Variants in PARD3B observed in about 807,000 individuals in gnomAD.
PARD3B encodes partitioning defective 3 homolog B.
A neutral mutation model predicts 130.2 loss-of-function variants in PARD3B; 103 were observed. That is an observed-to-expected ratio of 0.79 (90% CI 0.67 to 0.93). PARD3B has a LOEUF of 0.93. PARD3B is among the 40% of genes least tolerant of loss of function. The probability of loss-of-function intolerance (pLI) is 0.00; values close to 1 mark genes in which losing one functional copy is unlikely to be tolerated. For missense variants in PARD3B, 1,609 were observed against 1,499.2 expected (o/e 1.07, Z -1.21); for synonymous variants, 583 against 553.2 (o/e 1.05, Z -0.76).
rs530233005 is a variant in PARD3B, at chr2:204,874,551, C to A, written c.223-90601C>A. Among the ~76,000 whole-genome samples, 139 of 151,908 alleles carry A rather than the reference C, an allele frequency of 9.2e-4. 1 individual carries two copies. Among genetic ancestry groups the A allele is most frequent in the Non-Finnish European group, 1.5e-3 (102 of 68,006 alleles). On this transcript the variant is annotated intron_variant, in intron 2 of 22. Transcript: ENST00000406610. ...AAGATATCCAGTACATATGGATATA[C>A]AAGGTAGGGTAAAATTTTTTGTTAT...
In PARD3B at chr2:204,623,431, C is replaced by A. The variant is rs1349254097; in HGVS notation, c.121-62750C>A. Among the ~76,000 whole-genome samples, 1 of 152,052 alleles carries A rather than the reference C, an allele frequency of 6.6e-6. No individual in the cohort carries two copies. The highest frequency in any genetic ancestry group is 1.5e-5 in the Non-Finnish European group (1 of 67,992). The stretch of plus-strand genomic sequence containing the variant: ...TCGTGCCACCCCTTTATAGTCATAC[C>A]CACACCCAGCACCCTCCACCATCCC... On this transcript the variant is annotated intron_variant, in intron 1 of 22. Transcript: ENST00000406610. The surrounding 1 kb of genome is among the most constrained non-coding windows in gnomAD (Gnocchi z 4.5).
intron 15 of PARD3B, among the ~76,000 whole-genome samples, chr2:205,195,985 G>A (rs945991240): frequency 2.0e-5 from 3 of 152,064 alleles, no homozygotes; most frequent in African/African-American, 7.2e-5. Flanking sequence ...ATTTTAACTT[G>A]CATGTTAATG....
chr2:205,355,412 G>A (rs183495282), intron 18 of PARD3B, among the ~76,000 whole-genome samples: 2 of 152,204 alleles, frequency 1.3e-5, no homozygotes, highest in Admixed American at 6.5e-5. Flanking sequence ...GAAAAAATAA[G>A]CAAAAATGAT....
chr2:204,874,152 A>C lies in PARD3B; in HGVS notation c.223-91000A>C, dbSNP rs549437737. Among the ~76,000 whole-genome samples, 8 of 152,252 alleles carry C rather than the reference A, an allele frequency of 5.3e-5. No homozygotes were observed. The South Asian group carries it at 6.2e-4, about 12-fold the overall frequency. ...TCAAAAAACTCTGTCTCAAAACAAC[A>C]ACCACCACCACAACAAAACAAAACA... On this transcript the variant is annotated intron_variant, in intron 2 of 22. Transcript: ENST00000406610.
At chr2:205,464,219 A>G (rs769204467) in intron 20 of PARD3B, among the ~76,000 whole-genome samples, 1 of 152,188 alleles carries the variant, frequency 6.6e-6, no homozygotes, top group Non-Finnish European at 1.5e-5. Flanking sequence ...TGCATTGTGC[A>G]TAGGAGGTAC....
At chr2:205,348,837 C>G (rs964239002) in intron 18 of PARD3B, among the ~76,000 whole-genome samples, 1 of 151,492 alleles carries the variant, frequency 6.6e-6, no homozygotes, top group African/African-American at 2.4e-5. Flanking sequence ...TTATTGTACA[C>G]TGGAATAGAT....
intron 4 of PARD3B, among the ~76,000 whole-genome samples, chr2:205,072,211 T>C (rs1700776897): frequency 6.6e-6 from 1 of 151,752 alleles, no homozygotes; most frequent in South Asian, 2.1e-4. Context: ...AACTTGTATT[T>C]GGACTTCATA....
intron 19 of PARD3B, among the ~76,000 whole-genome samples, chr2:205,401,388 AT>A (rs959533415): frequency 6.6e-6 from 1 of 151,922 alleles, no homozygotes; most frequent in Non-Finnish European, 1.5e-5. Flanking sequence ...AAAAATGCAT[AT>A]TTTCTCCATG....
intron 15 of PARD3B, among the ~76,000 whole-genome samples, chr2:205,226,313 C>T (rs1408894155): frequency 3.3e-5 from 5 of 151,936 alleles, no homozygotes; most frequent in Non-Finnish European, 7.4e-5. Context: ...GTTCTGGGAT[C>T]ACAGGCATGA....
chr2:204,772,753 C>T (rs2041442995), intron 2 of PARD3B, among the ~76,000 whole-genome samples: 1 of 152,044 alleles, frequency 6.6e-6, no homozygotes, highest in African/African-American at 2.4e-5. Flanking sequence ...TTTATGACTT[C>T]CCATTGAAAT....
At chr2:204,830,643 A>G (rs1022137740) in intron 2 of PARD3B, among the ~76,000 whole-genome samples, 1 of 152,214 alleles carries the variant, frequency 6.6e-6, no homozygotes, top group Admixed American at 6.5e-5. Context: ...CAAGCAGACC[A>G]AGTTTGTTTC....
chr2:204,632,366 C>A (rs1488165179), intron 1 of PARD3B, among the ~76,000 whole-genome samples: 1 of 152,166 alleles, frequency 6.6e-6, no homozygotes, highest in African/African-American at 2.4e-5. Flanking sequence ...CAGACTAATA[C>A]AGGGGCACTC....
At chr2:205,137,778 A>G (rs897692621) in intron 10 of PARD3B, among the ~76,000 whole-genome samples, 12 of 152,194 alleles carry the variant, frequency 7.9e-5, no homozygotes, top group Non-Finnish European at 1.3e-4. Flanking sequence ...GTCCTCCTTC[A>G]TGTGCCCTCC....
chr2:204,991,882 G>A (rs1693723638), intron 3 of PARD3B, among the ~76,000 whole-genome samples: 2 of 149,932 alleles, frequency 1.3e-5, no homozygotes, highest in Non-Finnish European at 3.0e-5. Context: ...CTTCTTTTGA[G>A]ACGTGTCTGT....
At chr2:204,957,337 A>T (rs922186017) in intron 2 of PARD3B, among the ~76,000 whole-genome samples, 1 of 152,184 alleles carries the variant, frequency 6.6e-6, no homozygotes, top group Non-Finnish European at 1.5e-5. Flanking sequence ...ATTCAAGCAG[A>T]TGCATCTTTA....
chr2:205,529,791 G>A (rs763736367), intron 21 of PARD3B, among the ~76,000 whole-genome samples: 25 of 152,088 alleles, frequency 1.6e-4, no homozygotes, highest in Non-Finnish European at 3.2e-4. Flanking sequence ...TGATCTACGA[G>A]GGTTTTCTTT....
intron 1 of PARD3B, among the ~76,000 whole-genome samples, chr2:204,578,537 T>G (rs1180518555): frequency 6.6e-6 from 1 of 152,208 alleles, no homozygotes; most frequent in Non-Finnish European, 1.5e-5. Flanking sequence ...GCAGGTAATG[T>G]ACTTACTGAA....
chr2:204,927,572 A>C (rs1575328593), intron 2 of PARD3B, among the ~76,000 whole-genome samples: 1 of 152,190 alleles, frequency 6.6e-6, no homozygotes, highest in East Asian at 1.9e-4. Flanking sequence ...TCTGTTTTGG[A>C]AAATGTACTA....
intron 2 of PARD3B, among the ~76,000 whole-genome samples, chr2:204,850,954 CTGTAGAAGTACAGTCTTT>C (rs2044683764): frequency 6.6e-6 from 1 of 152,128 alleles, no homozygotes; most frequent in Non-Finnish European, 1.5e-5. Flanking sequence ...AAGACAAAGA[CTGTAGAAGTACAGTCTTT>C]TGTAGAAGGC....
Sources: gnomAD v4.1 joint callset for allele counts (sites outside exome capture counted in the v4.1 genomes callset) on GRCh38, gnomAD v4.1.1 for gene constraint, Gnocchi (gnomAD v3.1) non-coding constraint, MANE v1.5 for transcripts, NCBI Gene and HGNC (gene_info 2026-07-23, HGNC 2026-07-21) for gene names.